The following TLE4 variants were observed in gnomAD, a reference collection of about 807,000 sequenced individuals.
TLE4 encodes the protein TLE family member 4, transcriptional corepressor.
In TLE4, 8 loss-of-function variants were observed where a neutral mutation model predicts 92.8. That is an observed-to-expected ratio of 0.09 (90% confidence interval 0.05 to 0.16). TLE4 has a LOEUF of 0.16. Among genes scored for constraint, TLE4 ranks in the 10% least tolerant of loss-of-function variants. The probability of loss-of-function intolerance (pLI) is 1.00; values close to 1 mark genes in which losing one functional copy is unlikely to be tolerated. For synonymous variants in TLE4, 371 were observed against 374.1 expected (o/e 0.99, Z 0.10); for missense variants, 675 against 997.6 (o/e 0.68, Z 4.36).
At chr9:79,725,001 G>A in intron 19 of TLE4, 36 bp from the exon 20 acceptor site, 1 of 1,526,076 alleles carries the variant, frequency 6.6e-7, no homozygotes, top group Non-Finnish European at 9.1e-7. Context: ...TTTTCTTTCA[G>A]TATTTAACAT....
At chr9:79,628,228 T>C (rs370186204) in intron 6 of TLE4, among the ~76,000 whole-genome samples, 49 of 152,318 alleles carry the variant, frequency 3.2e-4, no homozygotes, top group African/African-American at 1.1e-3. Flanking sequence ...CCTTGGGTTA[T>C]TCTAATGAAG....
At chr9:79,627,753 G>A in intron 6 of TLE4, 1 of 310,212 alleles carries the variant, frequency 3.2e-6, no homozygotes, top group Non-Finnish European at 6.0e-6. Flanking sequence ...AAAAAAAAAA[G>A]AGATATAGAT....
At chr9:79,629,291 G>A (rs1252305167) in intron 6 of TLE4, among the ~76,000 whole-genome samples, 1 of 151,770 alleles carries the variant, frequency 6.6e-6, no homozygotes, top group Non-Finnish European at 1.5e-5. Flanking sequence ...TTTATGTGTT[G>A]GATGTTGCTT....
intron 8 of TLE4, among the ~76,000 whole-genome samples, chr9:79,667,891 C>T (rs954985226): frequency 6.6e-6 from 1 of 152,228 alleles, no homozygotes. Flanking sequence ...CATGATTTCT[C>T]TTTTCATCTG....
At chr9:79,681,862 G>GTGTA (rs1359386612) in intron 8 of TLE4, among the ~76,000 whole-genome samples, 1 of 140,478 alleles carries the variant, frequency 7.1e-6, no homozygotes, top group Non-Finnish European at 1.5e-5. Context: ...GTGTGTGTGT[G>GTGTA]TATGTGTGTG....
chr9:79,706,212 T>C (rs545855602), intron 10 of TLE4, among the ~76,000 whole-genome samples: 11 of 152,176 alleles, frequency 7.2e-5, no homozygotes, highest in African/African-American at 2.2e-4. Context: ...GCTTGGCTCA[T>C]ATTTAAATTT....
chr9:79,680,928 T>A (rs1314107935), intron 8 of TLE4, among the ~76,000 whole-genome samples: 2 of 152,188 alleles, frequency 1.3e-5, no homozygotes, highest in Non-Finnish European at 2.9e-5. Context: ...CTGGATTACA[T>A]TTATTGATTT....
chr9:79,575,963 G>C (rs2037624118), intron 3 of TLE4, 170 bp from the exon 4 acceptor site: 1 of 427,010 alleles, frequency 2.3e-6, no homozygotes, highest in Non-Finnish European at 4.2e-6. Flanking sequence ...TGTGTCTTAA[G>C]GTGGTTAAAG....
At chr9:79,694,827 A>G (rs1005917182) in intron 8 of TLE4, among the ~76,000 whole-genome samples, 2 of 151,556 alleles carry the variant, frequency 1.3e-5, no homozygotes, top group Non-Finnish European at 2.9e-5. Flanking sequence ...CTTTTACCAC[A>G]TACCTCCTTG....
chr9:79,696,779 A>G (rs1036245893), intron 8 of TLE4, among the ~76,000 whole-genome samples: 4 of 152,176 alleles, frequency 2.6e-5, no homozygotes, highest in Admixed American at 2.6e-4. Flanking sequence ...TATTTCTCTG[A>G]GCTGTTACCC....
intron 6 of TLE4, among the ~76,000 whole-genome samples, chr9:79,636,183 A>G (rs1271508058): frequency 3.3e-5 from 5 of 152,104 alleles, no homozygotes; most frequent in African/African-American, 9.7e-5. Flanking sequence ...GGTGTCGTCT[A>G]TATATATGAG....
At chr9:79,630,834 T>G (rs2053978542) in intron 6 of TLE4, among the ~76,000 whole-genome samples, 1 of 152,128 alleles carries the variant, frequency 6.6e-6, no homozygotes. Flanking sequence ...TGGAACCTCA[T>G]AAGAATTTCA....
At chr9:79,584,584 T>C (rs1027856316) in intron 4 of TLE4, among the ~76,000 whole-genome samples, 2 of 152,208 alleles carry the variant, frequency 1.3e-5, no homozygotes, top group African/African-American at 4.8e-5. Flanking sequence ...GCCCTGTGCC[T>C]ATCGCATAGT....
intron 14 of TLE4, among the ~76,000 whole-genome samples, chr9:79,715,007 A>G (rs1043072206): frequency 6.6e-6 from 1 of 152,238 alleles, no homozygotes; most frequent in Non-Finnish European, 1.5e-5. Flanking sequence ...AATAGCAAAC[A>G]GAGGGCCACA....
At chr9:79,597,617 A>G (rs2044352002) in intron 4 of TLE4, among the ~76,000 whole-genome samples, 2 of 152,162 alleles carry the variant, frequency 1.3e-5, no homozygotes, top group Admixed American at 6.6e-5. Context: ...ATCTGAGGAA[A>G]TGCCACCACC....
At chr9:79,667,999 AATAATTCACATAAC>A (rs2061676049) in intron 8 of TLE4, among the ~76,000 whole-genome samples, 2 of 152,352 alleles carry the variant, frequency 1.3e-5, no homozygotes, top group East Asian at 3.9e-4. Context: ...AAAGTCGTTG[AATAATTCACATAAC>A]AAATGATTAG....
intron 19 of TLE4, among the ~76,000 whole-genome samples, chr9:79,723,931 T>C (rs898591364): frequency 1.3e-5 from 2 of 152,214 alleles, no homozygotes; most frequent in African/African-American, 2.4e-5. Flanking sequence ...TAAGCATAAG[T>C]ACTATGTCTT....
chr9:79,688,191 C>A (rs1325543430), intron 8 of TLE4, among the ~76,000 whole-genome samples: 1 of 152,132 alleles, frequency 6.6e-6, no homozygotes, highest in Non-Finnish European at 1.5e-5. Context: ...TAAGGACCTG[C>A]CATCTGCAGT....
intron 8 of TLE4, among the ~76,000 whole-genome samples, chr9:79,691,054 G>A (rs183032982): frequency 2.0e-3 from 300 of 152,166 alleles, no homozygotes; most frequent in African/African-American, 6.5e-3. Context: ...ACACACATTT[G>A]TGTGAAGTGA....
Sources: allele counts gnomAD v4.1 joint callset (sites outside exome capture counted in the v4.1 genomes callset), GRCh38; gene constraint gnomAD v4.1.1; transcripts MANE v1.5; gene names NCBI Gene and HGNC (gene_info 2026-07-23, HGNC 2026-07-21).